Variants in ITSN2 observed in about 807,000 individuals in gnomAD.
The protein encoded by ITSN2 is intersectin 2.
Under a neutral mutation model 243.7 loss-of-function variants are expected in ITSN2, and 156 were observed. The ratio of observed to expected loss-of-function variants is 0.64; its 90% confidence interval spans 0.56 to 0.73. ITSN2 has a LOEUF of 0.73. Among genes scored for constraint, ITSN2 ranks in the 30% least tolerant of loss-of-function variants. The pLI is 0.00. For missense variants in ITSN2, 1,801 were observed against 1,996.1 expected (o/e 0.90, Z 1.86); for synonymous variants, 703 against 699.9 (o/e 1.00, Z -0.07).
intron 37 of ITSN2, 43 bp from the exon 38 acceptor site, chr2:24,205,340 G>A (rs970637907): frequency 6.5e-7 from 1 of 1,527,936 alleles, no homozygotes; most frequent in Non-Finnish European, 9.1e-7. Flanking sequence ...CTTCTCCAAG[G>A]ATGCAGACCC....
At position 24,329,409 on chromosome 2, in the gene ITSN2, A is replaced by G. The variant is rs7576259; in HGVS notation, c.-33-1294T>C. On this transcript the variant is annotated intron_variant, in intron 1 of 39. Transcript: ENST00000355123. ...TGAGTAGCTGGGTCTACAGGCGCAC[A>G]TCACCATGCCCGGCTAATTTTTGTT... Among the ~76,000 whole-genome samples, 1,392 of 152,258 alleles carry G rather than the reference A, an allele frequency of 9.1e-3. 17 individuals carry two copies. Among genetic ancestry groups the G allele is most frequent in the African/African-American group, 0.032 (1,347 of 41,544 alleles).
intron 1 of ITSN2, among the ~76,000 whole-genome samples, chr2:24,337,340 A>ATATG (rs1686546484): frequency 8.9e-6 from 1 of 112,360 alleles, no homozygotes; most frequent in Non-Finnish European, 1.8e-5. Flanking sequence ...ATATATATAT[A>ATATG]TATATATATA....
At chr2:24,244,126 A>G (rs1341658609) in intron 29 of ITSN2, among the ~76,000 whole-genome samples, 1 of 152,258 alleles carries the variant, frequency 6.6e-6, no homozygotes, top group Admixed American at 6.5e-5. Context: ...TCCTTGAATA[A>G]TAACTAACAG....
intron 17 of ITSN2, 53 bp from the exon 18 acceptor site, chr2:24,275,902 C>A: frequency 3.0e-6 from 4 of 1,345,048 alleles, no homozygotes; most frequent in South Asian, 2.9e-5. Flanking sequence ...ATATGCTTGT[C>A]ATATGTATTA....
chr2:24,334,610 G>T, intron 1 of ITSN2: 1 of 1,118,594 alleles, frequency 8.9e-7, no homozygotes, highest in Non-Finnish European at 1.3e-6. Flanking sequence ...AGAATTCTCT[G>T]TATGCCCAGG....
intron 29 of ITSN2, among the ~76,000 whole-genome samples, chr2:24,226,986 T>C (rs1440177465): frequency 6.6e-6 from 1 of 152,020 alleles, no homozygotes; most frequent in East Asian, 1.9e-4. Context: ...GGTGGTGGCG[T>C]CTGCCTGTAG....
chr2:24,250,841 A>C (rs1255253165), intron 25 of ITSN2, among the ~76,000 whole-genome samples: 1 of 152,152 alleles, frequency 6.6e-6, no homozygotes, highest in Non-Finnish European at 1.5e-5. Context: ...GAAAAAAAAA[A>C]TGTCACCGAC....
At chr2:24,222,424 T>G (rs941352590) in intron 29 of ITSN2, among the ~76,000 whole-genome samples, 2 of 151,920 alleles carry the variant, frequency 1.3e-5, no homozygotes, top group Non-Finnish European at 2.9e-5. Context: ...ACCACAAACT[T>G]ACATAAAGGC....
At chr2:24,329,706 T>C (rs1225648517) in intron 1 of ITSN2, among the ~76,000 whole-genome samples, 1 of 152,218 alleles carries the variant, frequency 6.6e-6, no homozygotes, top group Non-Finnish European at 1.5e-5. Flanking sequence ...CCGTATCTCA[T>C]CTATTTACCC....
chr2:24,332,206 C>T (rs1222756574), intron 1 of ITSN2, among the ~76,000 whole-genome samples: 1 of 152,106 alleles, frequency 6.6e-6, no homozygotes, highest in Non-Finnish European at 1.5e-5. Context: ...CAGGCCATTG[C>T]ACTCCAGCAT....
rs374902759 is a variant in ITSN2 at position 24,271,946 on chromosome 2, A to T, written c.2082-5T>A. 281 of 1,444,226 alleles carry T rather than the reference A, an allele frequency of 1.9e-4. 1 individual carries two copies. In the African/African-American group the frequency reaches 3.2e-3, roughly 17 times the overall value. 89.5% of individuals were successfully genotyped at this position (1,444,226 alleles called of 1,614,324 possible). A position where few individuals can be genotyped will look rare whatever the true frequency, so the allele number is the denominator to read the frequency against. On this transcript the variant is annotated splice_region_variant and splice_polypyrimidine_tract_variant and intron_variant, in intron 18 of 39. Coordinates refer to ENST00000355123, the MANE Select transcript of ITSN2 (RefSeq NM_006277.3). ...TCTTTTCCTTGCTTTGCTTTCCTTTACATAAAAGAAAAAGAGTTTGTATAA... is the reference window on the plus strand; with the variant it reads ...TCTTTTCCTTGCTTTGCTTTCCTTTTCATAAAAGAAAAAGAGTTTGTATAA...
At chr2:24,274,220 C>T (rs1156961965) in intron 18 of ITSN2, among the ~76,000 whole-genome samples, 1 of 152,156 alleles carries the variant, frequency 6.6e-6, no homozygotes, top group African/African-American at 2.4e-5. Flanking sequence ...TTCGTTTGAA[C>T]TTTACTTTCT....
At chr2:24,209,045 G>A (rs1669214583) in intron 36 of ITSN2, 55 bp downstream of exon 36, 3 of 1,599,382 alleles carry the variant, frequency 1.9e-6, no homozygotes, top group African/African-American at 1.3e-5. Context: ...GGCAGAGGGA[G>A]ACGTCCAGGC....
intron 15 of ITSN2, among the ~76,000 whole-genome samples, chr2:24,293,018 G>C (rs1680459959): frequency 6.6e-6 from 1 of 152,150 alleles, no homozygotes; most frequent in African/African-American, 2.4e-5. Context: ...AACATCTGCA[G>C]ATTTACTTTT....
chr2:24,353,298 ATAAT>A (rs1688180158), intron 1 of ITSN2, among the ~76,000 whole-genome samples: 1 of 152,212 alleles, frequency 6.6e-6, no homozygotes. Context: ...AACATCACTA[ATAAT>A]TAAGAAAACG....
At chr2:24,234,967 T>C (rs1323518824) in intron 29 of ITSN2, among the ~76,000 whole-genome samples, 1 of 152,198 alleles carries the variant, frequency 6.6e-6, no homozygotes, top group Non-Finnish European at 1.5e-5. Context: ...TTAAACCATA[T>C]GATCCAGCAG....
chr2:24,233,630 T>C (rs1041015802), intron 29 of ITSN2, among the ~76,000 whole-genome samples: 2 of 152,232 alleles, frequency 1.3e-5, no homozygotes, highest in Non-Finnish European at 2.9e-5. Flanking sequence ...GATTAGTTCA[T>C]GACTTGGTAC....
Position 24,252,508 on chromosome 2 carries a change from T to A in ITSN2, c.2957A>T (p.Tyr986Phe), listed in dbSNP as rs1468454956. The A allele has an allele frequency of 8.7e-6, 14 of 1,607,066 alleles. No individual in the cohort carries two copies. The highest frequency in any genetic ancestry group is 1.2e-5 in the Non-Finnish European group (14 of 1,175,508). Reference protein sequence around the residue: ...TSAAYSVGEEYIALYPYSSVE... With the variant: ...TSAAYSVGEEFIALYPYSSVE... ...ACTTGAATATGGATAAAGTGCAATATATTCTGTAGGGAACAAAGCAAAAAG... is the reference window on the plus strand; with the variant it reads ...ACTTGAATATGGATAAAGTGCAATAAATTCTGTAGGGAACAAAGCAAAAAG... Residue 986 changes from tyrosine (Y) to phenylalanine (F), a missense_variant, in exon 25 of 40, where the codon TAT becomes TTT. Physicochemically the swap from Tyr to Phe is conservative, Grantham distance 22 (BLOSUM62 3). This residue lies in a region of ITSN2 where 928 missense variants were observed against 1,065.4 expected (regional missense o/e 0.87). Transcript: ENST00000355123.
At chr2:24,294,622 C>T (rs899678932) in intron 14 of ITSN2, among the ~76,000 whole-genome samples, 8 of 152,120 alleles carry the variant, frequency 5.3e-5, no homozygotes, top group African/African-American at 1.7e-4. Flanking sequence ...GAACCAGACC[C>T]TACTGCACAA....
Sources: gnomAD v4.1 joint callset for allele counts (sites outside exome capture counted in the v4.1 genomes callset) on GRCh38, gnomAD v4.1.1 for gene constraint, gnomAD v4.1.1 regional missense constraint, MANE v1.5 for transcripts, NCBI Gene and HGNC (gene_info 2026-07-23, HGNC 2026-07-21) for gene names.